The following ACAP2 variants were observed in gnomAD, a reference collection of about 807,000 sequenced individuals.
The protein encoded by ACAP2 is arf-GAP with coiled-coil, ANK repeat and PH domain-containing protein 2.
ACAP2 carries 39 observed loss-of-function variants against 115.8 expected under a neutral mutation model. The observed-to-expected ratio is 0.34, with a 90% CI of 0.26 to 0.44. ACAP2 has a LOEUF of 0.44. ACAP2 is among the 20% of genes least tolerant of loss of function. The probability of loss-of-function intolerance (pLI) is 1.00; values close to 1 mark genes in which losing one functional copy is unlikely to be tolerated. For synonymous variants in ACAP2, 289 were observed against 315.8 expected (o/e 0.92, Z 0.90); for missense variants, 662 against 927.6 (o/e 0.71, Z 3.72).
chr3:195,412,616 A>C (rs1037917654), intron 1 of ACAP2, among the ~76,000 whole-genome samples: 20 of 152,080 alleles, frequency 1.3e-4, no homozygotes, highest in Admixed American at 1.3e-3. Flanking sequence ...ACCTCAAAAA[A>C]TAAAATAAAA....
chr3:195,420,044 T>C (rs1366327452), intron 1 of ACAP2, among the ~76,000 whole-genome samples: 1 of 152,240 alleles, frequency 6.6e-6, no homozygotes, highest in Non-Finnish European at 1.5e-5. Context: ...TTTATATTTA[T>C]ACATTAGAAA....
At chr3:195,308,905 A>G in intron 10 of ACAP2, 68 bp from the exon 11 acceptor site, 3 of 1,419,858 alleles carry the variant, frequency 2.1e-6, no homozygotes, top group Middle Eastern at 1.8e-4. Flanking sequence ...TAGAAATGAA[A>G]TATTTGAGAA....
Position 195,407,630 on chromosome 3 carries a change from G to C in ACAP2, c.54-15483C>G, listed in dbSNP as rs550032364. 6.2e-4 allele frequency among the ~76,000 whole-genome samples: 95 copies of C among 152,172 alleles called. 1 individual carries two copies. Among genetic ancestry groups the C allele is most frequent in the Non-Finnish European group, 1.2e-3 (81 of 68,010 alleles). On this transcript the variant is annotated intron_variant, in intron 1 of 22. Transcript: ENST00000326793. ...GCTGGATCACTGGAGCCTGAAGGTA[G>C]ACATTGCAGTGAGATGAGATGATGC...
At chr3:195,331,724 T>C (rs910774134) in intron 8 of ACAP2, among the ~76,000 whole-genome samples, 1 of 152,088 alleles carries the variant, frequency 6.6e-6, no homozygotes, top group Admixed American at 6.6e-5. Flanking sequence ...TGTTCGTCAA[T>C]AAAAAACAAT....
intron 2 of ACAP2, among the ~76,000 whole-genome samples, chr3:195,388,191 C>T (rs557657455): frequency 2.2e-3 from 330 of 152,088 alleles, no homozygotes; most frequent in South Asian, 6.5e-3. Flanking sequence ...CCCAAAATTA[C>T]AATACTATAA....
chr3:195,421,610 T>C (rs1011311536), intron 1 of ACAP2, among the ~76,000 whole-genome samples: 33 of 152,232 alleles, frequency 2.2e-4, no homozygotes, highest in African/African-American at 8.0e-4. Flanking sequence ...ACATACTGCT[T>C]ACACAATAGC....
At chr3:195,339,842 ACT>A (rs983565745) in intron 6 of ACAP2, among the ~76,000 whole-genome samples, 2 of 152,012 alleles carry the variant, frequency 1.3e-5, no homozygotes, top group Non-Finnish European at 2.9e-5. Context: ...TAAGCCGTTC[ACT>A]CTCTCAAAAA....
In ACAP2 at chr3:195,425,948, T is replaced by A. The variant is rs142979177; in HGVS notation, c.53+16847A>T. On this transcript the variant is annotated intron_variant, in intron 1 of 22. Coordinates refer to ENST00000326793, the MANE Select transcript of ACAP2 (RefSeq NM_012287.6). Reference sequence around the variant, plus strand: ...TCTCTTTGCATTCACTCTTCCCCCATACAGCCCATTATCAAACAGTACTCA... The same window carrying A: ...TCTCTTTGCATTCACTCTTCCCCCAAACAGCCCATTATCAAACAGTACTCA... Among the ~76,000 whole-genome samples, 19 of 152,256 alleles carry A rather than the reference T, an allele frequency of 1.2e-4. No individual in the cohort carries two copies. The East Asian group carries it at 3.3e-3, about 26-fold the overall frequency.
At chr3:195,385,820 G>C (rs925897222) in intron 2 of ACAP2, among the ~76,000 whole-genome samples, 1 of 152,148 alleles carries the variant, frequency 6.6e-6, no homozygotes, top group Admixed American at 6.5e-5. Flanking sequence ...GCCAGATACG[G>C]GACAAATAAT....
At position 195,297,183 on chromosome 3, in the gene ACAP2, A is replaced by G. The variant is rs775994296; in HGVS notation, c.1487+7T>C. ...TAATTAGGGGGAAAAAACAACTGAA[A>G]TAGTACCTTTGTCCTGGTTGGGGTT... On this transcript the variant is annotated splice_region_variant and intron_variant, in intron 16 of 22. Transcript: ENST00000326793. 2 of 1,609,856 alleles carry G rather than the reference A, an allele frequency of 1.2e-6. No homozygotes were observed. Among genetic ancestry groups the G allele is most frequent in the Non-Finnish European group, 8.5e-7 (1 of 1,177,784 alleles).
chr3:195,301,077 TTTTTTTTC>T (rs1417358653), intron 15 of ACAP2, among the ~76,000 whole-genome samples: 1 of 151,984 alleles, frequency 6.6e-6, no homozygotes, highest in Non-Finnish European at 1.5e-5. Flanking sequence ...ATATAGCCTT[TTTTTTTTC>T]TTTTTTTCTT....
intron 1 of ACAP2, among the ~76,000 whole-genome samples, chr3:195,414,921 A>G (rs1191723014): frequency 1.3e-5 from 2 of 152,214 alleles, no homozygotes; most frequent in Non-Finnish European, 2.9e-5. Context: ...ACATTCTAAA[A>G]AAAGACAAAA....
At chr3:195,322,095 A>G (rs1278551655) in intron 9 of ACAP2, among the ~76,000 whole-genome samples, 2 of 152,202 alleles carry the variant, frequency 1.3e-5, no homozygotes, top group African/African-American at 4.8e-5. Context: ...CTTCACCTGA[A>G]TGCAATTTAA....
chr3:195,372,004 C>T (rs1292800347), intron 4 of ACAP2, among the ~76,000 whole-genome samples: 8 of 152,082 alleles, frequency 5.3e-5, no homozygotes, highest in Non-Finnish European at 5.9e-5. Flanking sequence ...TACATTGAAA[C>T]ATTTTAAGAA....
At chr3:195,400,210 G>A (rs1286295308) in intron 1 of ACAP2, among the ~76,000 whole-genome samples, 1 of 150,888 alleles carries the variant, frequency 6.6e-6, no homozygotes, top group Non-Finnish European at 1.5e-5. Context: ...ATACGTATGT[G>A]TATATATATA....
At chr3:195,380,828 GCA>G (rs933277407) in intron 4 of ACAP2, among the ~76,000 whole-genome samples, 179 bp downstream of exon 4, 2 of 151,834 alleles carry the variant, frequency 1.3e-5, no homozygotes, top group African/African-American at 4.8e-5. Context: ...AGGCATGCAT[GCA>G]CACACACACT....
chr3:195,434,845 T>C (rs969700197), intron 1 of ACAP2, among the ~76,000 whole-genome samples: 1 of 152,236 alleles, frequency 6.6e-6, no homozygotes, highest in Admixed American at 6.5e-5. Context: ...TTGAAATATA[T>C]TCTTCTAAGT....
chr3:195,292,921 CAAAAAAA>C (rs3988217), intron 18 of ACAP2, among the ~76,000 whole-genome samples: 4 of 76,730 alleles, frequency 5.2e-5, no homozygotes, highest in Non-Finnish European at 7.2e-5. Context: ...GACTCAGTCT[CAAAAAAA>C]AAAAAAAAAA....
intron 22 of ACAP2, among the ~76,000 whole-genome samples, chr3:195,281,376 G>A (rs1177112116): frequency 6.6e-6 from 1 of 152,016 alleles, no homozygotes; most frequent in African/African-American, 2.4e-5. Context: ...CTGCACTCCA[G>A]CCTGGGCAAC....
Sources: gnomAD v4.1 joint callset for allele counts (sites outside exome capture counted in the v4.1 genomes callset) on GRCh38, gnomAD v4.1.1 for gene constraint, MANE v1.5 for transcripts, NCBI Gene and HGNC (gene_info 2026-07-23, HGNC 2026-07-21) for gene names.